CNOT6: variants seen among roughly 807,000 people sequenced by gnomAD.
The protein encoded by CNOT6 is carbon catabolite repression 4 protein.
Under a neutral mutation model 61.2 loss-of-function variants are expected in CNOT6, and 12 were observed. The observed-to-expected ratio is 0.20, with a 90% CI of 0.13 to 0.32. The LOEUF is 0.32. Among genes scored for constraint, CNOT6 ranks in the 10% least tolerant of loss-of-function variants. CNOT6 has a pLI of 1.00. For missense variants in CNOT6, 405 were observed against 663.9 expected (o/e 0.61, Z 4.28); for synonymous variants, 225 against 240.6 (o/e 0.94, Z 0.60).
At chr5:180,512,423 G>T (rs1473856223) in intron 1 of CNOT6, among the ~76,000 whole-genome samples, 1 of 152,170 alleles carries the variant, frequency 6.6e-6, no homozygotes, top group Non-Finnish European at 1.5e-5. Context: ...GAAATATTGG[G>T]ACAGAAGTCT....
intron 1 of CNOT6, among the ~76,000 whole-genome samples, chr5:180,518,915 G>T (rs527417081): frequency 6.6e-6 from 1 of 152,316 alleles, no homozygotes; most frequent in Admixed American, 6.5e-5. Context: ...TTCTTGCCAT[G>T]TTGCCCAGGC....
intron 2 of CNOT6, among the ~76,000 whole-genome samples, chr5:180,530,963 T>A (rs1453683141): frequency 6.6e-6 from 1 of 152,262 alleles, no homozygotes; most frequent in East Asian, 1.9e-4. Flanking sequence ...CCATGTCTAC[T>A]TCTTTCTACA....
intron 4 of CNOT6, among the ~76,000 whole-genome samples, chr5:180,561,660 C>T (rs1258013460): frequency 6.6e-6 from 1 of 152,234 alleles, no homozygotes; most frequent in Non-Finnish European, 1.5e-5. Context: ...TGTCTCCTTA[C>T]TGCCAGTGGA....
At chr5:180,503,235 G>A (rs1288471095) in intron 1 of CNOT6, among the ~76,000 whole-genome samples, 3 of 151,474 alleles carry the variant, frequency 2.0e-5, no homozygotes, top group African/African-American at 7.3e-5. Flanking sequence ...AGGACTTGAT[G>A]CAGGTCTGAC....
In CNOT6 at chr5:180,564,688, A is replaced by G; in HGVS notation, c.504A>G (p.Gln168=). 1 of 1,613,996 alleles carries G rather than the reference A, an allele frequency of 6.2e-7. No homozygotes were observed. Among genetic ancestry groups the G allele is most frequent in the South Asian group, 1.1e-5 (1 of 91,088 alleles). The change falls in exon 6 of 12, where the codon CAA becomes CAG. Residue 168 remains glutamine, a synonymous_variant. Coordinates refer to ENST00000261951, the MANE Select transcript of CNOT6 (RefSeq NM_001370472.1). Reference sequence around the variant, plus strand: ...CTATTCAACTAGTTACAACAGAACAACCACCTCCAAGGTCTTGGATTATGT... The same window carrying G: ...CTATTCAACTAGTTACAACAGAACAGCCACCTCCAAGGTCTTGGATTATGT... ...SGTAKRITTE[Q]PPPRSWIMLQ...
intron 1 of CNOT6, among the ~76,000 whole-genome samples, chr5:180,528,615 G>A (rs1003326272): frequency 3.3e-5 from 5 of 152,124 alleles, no homozygotes; most frequent in African/African-American, 1.2e-4. Flanking sequence ...ATGCCTGGCC[G>A]ATTCTTTTAT....
intron 4 of CNOT6, among the ~76,000 whole-genome samples, chr5:180,555,250 G>C (rs111742798): frequency 6.6e-6 from 1 of 152,174 alleles, no homozygotes; most frequent in Middle Eastern, 3.4e-3. Context: ...CAAGTCATTT[G>C]CCCTCCTTGG....
chr5:180,523,705 G>C (rs1271871902), intron 1 of CNOT6, among the ~76,000 whole-genome samples: 2 of 151,998 alleles, frequency 1.3e-5, no homozygotes, highest in Non-Finnish European at 2.9e-5. Context: ...ACCCCTCACT[G>C]TGATTCCTAT....
At chr5:180,508,944 T>G (rs887940328) in intron 1 of CNOT6, among the ~76,000 whole-genome samples, 1 of 151,624 alleles carries the variant, frequency 6.6e-6, no homozygotes, top group Admixed American at 6.6e-5. Context: ...TGCCTCAGCC[T>G]CCCGAGTAGC....
chr5:180,529,444 G>C, intron 2 of CNOT6, 56 bp downstream of exon 2: 3 of 993,012 alleles, frequency 3.0e-6, no homozygotes, highest in Non-Finnish European at 3.1e-6. Flanking sequence ...GTAGTAAACT[G>C]AGTTTTCTAA....
chr5:180,517,384 C>T (rs1471957770), intron 1 of CNOT6, among the ~76,000 whole-genome samples: 1 of 152,128 alleles, frequency 6.6e-6, no homozygotes, highest in Non-Finnish European at 1.5e-5. Context: ...TCACCTCAGC[C>T]TCCTGCAGTG....
intron 2 of CNOT6, among the ~76,000 whole-genome samples, chr5:180,531,107 G>A (rs1406345873): frequency 2.0e-5 from 3 of 149,806 alleles, no homozygotes; most frequent in East Asian, 2.0e-4. Context: ...GGTGGCGGCC[G>A]GGCAGAGGGG....
rs566257461 is a variant in CNOT6 at position 180,576,901 on chromosome 5, A to G, written c.*2701A>G. On this transcript the variant is annotated 3_prime_UTR_variant, in exon 12 of 12. Coordinates refer to ENST00000261951, the MANE Select transcript of CNOT6 (RefSeq NM_001370472.1). ...AATGTCATTTCAGTATTTTTGCTGG[A>G]TAAATCCATTTTAGAAATGTCTTAC... The G allele has an allele frequency of 2.6e-5, 4 of 152,316 alleles. No homozygotes were observed. Among genetic ancestry groups the G allele is most frequent in the Non-Finnish European group, 5.9e-5 (4 of 68,028 alleles). 9.4% of individuals were successfully genotyped at this position (152,316 alleles called of 1,614,324 possible).
At chr5:180,547,317 C>G (rs897168853) in intron 2 of CNOT6, among the ~76,000 whole-genome samples, 8 of 151,928 alleles carry the variant, frequency 5.3e-5, no homozygotes, top group African/African-American at 1.9e-4. Context: ...GTCAGGTGCT[C>G]GAGACCAGCC....
At chr5:180,571,041 AT>A (rs951267065) in intron 10 of CNOT6, among the ~76,000 whole-genome samples, 188 bp from the exon 11 acceptor site, 1 of 152,244 alleles carries the variant, frequency 6.6e-6, no homozygotes. Context: ...CATAAAGCAA[AT>A]TATAAACTAT....
chr5:180,513,519 G>A (rs867382117), intron 1 of CNOT6, among the ~76,000 whole-genome samples: 13 of 150,694 alleles, frequency 8.6e-5, no homozygotes, highest in African/African-American at 2.4e-4. Flanking sequence ...GGATACAGTC[G>A]CGTGCCACCA....
chr5:180,512,681 C>T (rs1335392842), intron 1 of CNOT6, among the ~76,000 whole-genome samples: 1 of 152,224 alleles, frequency 6.6e-6, no homozygotes, highest in Non-Finnish European at 1.5e-5. Flanking sequence ...ACTGCAGCCT[C>T]CACCTCCCAG....
chr5:180,570,670 G>T (rs1198146347), intron 10 of CNOT6, among the ~76,000 whole-genome samples: 3 of 152,204 alleles, frequency 2.0e-5, no homozygotes, highest in Non-Finnish European at 4.4e-5. Flanking sequence ...TTGCTAATTT[G>T]TGAATAAAAT....
At chr5:180,497,046 T>C (rs1756641730) in intron 1 of CNOT6, among the ~76,000 whole-genome samples, 1 of 152,180 alleles carries the variant, frequency 6.6e-6, no homozygotes, top group South Asian at 2.1e-4. Flanking sequence ...ATGCATTTTA[T>C]GCCAGGCGCG....
Sources: gnomAD v4.1 joint callset for allele counts (sites outside exome capture counted in the v4.1 genomes callset) on GRCh38, gnomAD v4.1.1 for gene constraint, MANE v1.5 for transcripts, NCBI Gene and HGNC (gene_info 2026-07-23, HGNC 2026-07-21) for gene names.